RAB27B: variants seen among roughly 807,000 people sequenced by gnomAD.
The protein encoded by RAB27B is RAB27B, member RAS oncogene family.
A neutral mutation model predicts 24.6 loss-of-function variants in RAB27B; 15 were observed. That is an observed-to-expected ratio of 0.61 (90% confidence interval 0.41 to 0.94). RAB27B has a LOEUF of 0.94. RAB27B is among the 40% of genes least tolerant of loss of function. The pLI is 0.00. For missense variants in RAB27B, 261 were observed against 266.8 expected (o/e 0.98, Z 0.15); for synonymous variants, 105 against 92.5 (o/e 1.14, Z -0.78).
At chr18:54,739,108 T>G (rs1909990973) in intron 2 of RAB27B, among the ~76,000 whole-genome samples, 1 of 152,178 alleles carries the variant, frequency 6.6e-6, no homozygotes, top group Non-Finnish European at 1.5e-5. Context: ...AGTTTTGCTG[T>G]GTGTTGTTTC....
At chr18:54,863,109 G>T (rs954827285) in intron 1 of RAB27B, among the ~76,000 whole-genome samples, 1 of 152,082 alleles carries the variant, frequency 6.6e-6, no homozygotes, top group African/African-American at 2.4e-5. Flanking sequence ...TTAGTATTTA[G>T]TGCTTAGACT....
intron 1 of RAB27B, among the ~76,000 whole-genome samples, chr18:54,833,988 A>G (rs1598941575): frequency 6.6e-6 from 1 of 152,352 alleles, no homozygotes; most frequent in East Asian, 1.9e-4. Flanking sequence ...CAGAGCTGTT[A>G]TAGAGATGAC....
chr18:54,773,131 A>G (rs1245382297), intron 2 of RAB27B, among the ~76,000 whole-genome samples: 1 of 152,116 alleles, frequency 6.6e-6, no homozygotes, highest in Admixed American at 6.5e-5. Flanking sequence ...CCTGAATTTA[A>G]TTAAATTGAG....
At chr18:54,837,799 T>C (rs977650934) in intron 1 of RAB27B, among the ~76,000 whole-genome samples, 2 of 152,158 alleles carry the variant, frequency 1.3e-5, no homozygotes, top group African/African-American at 2.4e-5. Flanking sequence ...TGTATATATA[T>C]GTATTTATTA....
chr18:54,843,148 A>C (rs139409651), intron 1 of RAB27B, among the ~76,000 whole-genome samples: 1 of 152,126 alleles, frequency 6.6e-6, no homozygotes, highest in African/African-American at 2.4e-5. Context: ...AAAGTAAATC[A>C]CTGTCTTTCA....
intron 2 of RAB27B, among the ~76,000 whole-genome samples, chr18:54,764,480 T>A (rs530296666): frequency 6.6e-6 from 1 of 152,314 alleles, no homozygotes; most frequent in South Asian, 2.1e-4. Context: ...GTCTGCACAA[T>A]GGGAATGATA....
At chr18:54,841,979 A>C (rs945290699) in intron 1 of RAB27B, among the ~76,000 whole-genome samples, 3 of 152,244 alleles carry the variant, frequency 2.0e-5, no homozygotes, top group African/African-American at 7.2e-5. Flanking sequence ...CCTTAAAAAC[A>C]TCTTATTGAT....
chr18:54,738,682 C>T (rs78218754), intron 2 of RAB27B, among the ~76,000 whole-genome samples: 3,040 of 152,260 alleles, frequency 0.02, 36 homozygotes, highest in Non-Finnish European at 0.03. Context: ...CAGATTTTTC[C>T]ATAACGTACC....
chr18:54,816,896 T>G (rs1485141621), intron 2 of RAB27B, among the ~76,000 whole-genome samples: 1 of 152,216 alleles, frequency 6.6e-6, no homozygotes, highest in Non-Finnish European at 1.5e-5. Flanking sequence ...GAGTTGTCCT[T>G]TCTAATTTTC....
At chr18:54,789,938 T>C (rs1177562245) in intron 2 of RAB27B, among the ~76,000 whole-genome samples, 1 of 152,124 alleles carries the variant, frequency 6.6e-6, no homozygotes, top group Non-Finnish European at 1.5e-5. Flanking sequence ...GATAAATTGC[T>C]ATACTTTTTT....
chr18:54,856,508 T>G (rs1022075696), intron 1 of RAB27B, among the ~76,000 whole-genome samples: 3 of 152,216 alleles, frequency 2.0e-5, no homozygotes, highest in African/African-American at 7.2e-5. Flanking sequence ...CTGCTTGTTA[T>G]GTGGAGAATG....
upstream of RAB27B, among the ~76,000 whole-genome samples, chr18:54,826,928 T>C (rs1165450369): frequency 1.3e-5 from 2 of 152,238 alleles, no homozygotes; most frequent in Non-Finnish European, 2.9e-5. Context: ...TTAGGACTAA[T>C]GTCAGTAGTG....
intron 1 of RAB27B, among the ~76,000 whole-genome samples, chr18:54,851,421 T>C (rs1019287895): frequency 2.6e-5 from 4 of 152,208 alleles, no homozygotes. Flanking sequence ...GCAAAATCTA[T>C]CTTATGCATA....
intron 2 of RAB27B, among the ~76,000 whole-genome samples, chr18:54,736,780 T>A (rs1909910183): frequency 1.3e-5 from 2 of 152,114 alleles, no homozygotes; most frequent in South Asian, 4.1e-4. Context: ...AGATATCATG[T>A]AGAAAAGCCC....
rs1913489194 is a variant in RAB27B, at chr18:54,894,402, T to C, written c.*4989T>C. 6.6e-6 allele frequency: 1 copy of C among 152,096 alleles called. No homozygotes were observed. The highest frequency in any genetic ancestry group is 2.1e-4 in the South Asian group (1 of 4,830). The allele number at this position is 152,096 out of a possible 1,614,324, so 9.4% of individuals were successfully genotyped here. The stretch of plus-strand genomic sequence containing the variant: ...TTAGCAAATTCTGTAGGAGCAAGCA[T>C]GTCTGACCTTAACTTAATGGATCCC... On this transcript the variant is annotated 3_prime_UTR_variant, in exon 6 of 6. Coordinates refer to ENST00000262094, the MANE Select transcript of RAB27B (RefSeq NM_004163.4).
At chr18:54,819,814 C>G (rs1910245600) in intron 2 of RAB27B, among the ~76,000 whole-genome samples, 1 of 142,652 alleles carries the variant, frequency 7.0e-6, no homozygotes, top group African/African-American at 2.6e-5. Flanking sequence ...TGTTCCCCTT[C>G]CTGTGTGCAT....
chr18:54,751,643 A>G (rs900937112), intron 2 of RAB27B, among the ~76,000 whole-genome samples: 5 of 152,186 alleles, frequency 3.3e-5, no homozygotes, highest in African/African-American at 1.2e-4. Flanking sequence ...TTGAGTAAAA[A>G]ACCAGAGCAT....
intron 1 of RAB27B, among the ~76,000 whole-genome samples, chr18:54,848,489 A>G (rs1911427983): frequency 6.6e-6 from 1 of 152,210 alleles, no homozygotes; most frequent in African/African-American, 2.4e-5. Context: ...GCTGACCTGC[A>G]AGGAGAAAAA....
intron 3 of RAB27B, chr18:54,880,937 A>G (rs1912898904): frequency 6.6e-6 from 1 of 152,108 alleles, no homozygotes; most frequent in South Asian, 2.1e-4. Flanking sequence ...AATGCCTCAC[A>G]CCTCAGCCCT....
Sources: gnomAD v4.1 joint callset for allele counts (sites outside exome capture counted in the v4.1 genomes callset) on GRCh38, gnomAD v4.1.1 for gene constraint, MANE v1.5 for transcripts, NCBI Gene and HGNC (gene_info 2026-07-23, HGNC 2026-07-21) for gene names.